DCDC1: variants seen among roughly 807,000 people sequenced by gnomAD.
DCDC1 encodes the protein doublecortin domain-containing protein 1.
A neutral mutation model predicts 178.3 loss-of-function variants in DCDC1; 200 were observed. That is an observed-to-expected ratio of 1.12 (90% confidence interval 1.00 to 1.26). The LOEUF (loss-of-function observed/expected upper bound fraction) is 1.26, where lower values mean the gene tolerates loss of function less well. Among genes scored for constraint, DCDC1 ranks in the 50% most tolerant of loss-of-function variants. The probability of loss-of-function intolerance (pLI) is 0.00; values close to 1 mark genes in which losing one functional copy is unlikely to be tolerated. For missense variants in DCDC1, 1,983 were observed against 1,749.2 expected (o/e 1.13, Z -2.38); for synonymous variants, 690 against 604.8 (o/e 1.14, Z -2.07).
chr11:31,115,981 T>TGGGGGGGGGGGGGGGGGG (rs548179744), intron 11 of DCDC1, among the ~76,000 whole-genome samples: 4 of 38,092 alleles, frequency 1.1e-4, no homozygotes, highest in Admixed American at 3.0e-4. Flanking sequence ...GCTGTGGCAG[T>TGGGGGGGGGGGGGGGGGG]GGGGGGGGGG....
chr11:30,942,757 C>CTTCTT (rs1947745865), intron 21 of DCDC1, among the ~76,000 whole-genome samples: 1 of 152,212 alleles, frequency 6.6e-6, no homozygotes, highest in South Asian at 2.1e-4. Flanking sequence ...CTTTGGATGG[C>CTTCTT]TTCTTTTACT....
At chr11:30,946,273 C>A (rs1244278182) in intron 21 of DCDC1, among the ~76,000 whole-genome samples, 1 of 152,162 alleles carries the variant, frequency 6.6e-6, no homozygotes, top group African/African-American at 2.4e-5. Context: ...TGGTTTTAGC[C>A]TCATCCTCCT....
chr11:30,929,524 G>A (rs1180447919), intron 22 of DCDC1, among the ~76,000 whole-genome samples: 1 of 152,002 alleles, frequency 6.6e-6, no homozygotes. Flanking sequence ...GTTTGAGAGT[G>A]GGAATTGGGG....
At chr11:30,892,395 C>T (rs1943857592) in intron 36 of DCDC1, among the ~76,000 whole-genome samples, 1 of 152,052 alleles carries the variant, frequency 6.6e-6, no homozygotes, top group Non-Finnish European at 1.5e-5. Context: ...AAAAGTTACT[C>T]TTGTGAACTG....
rs760434545 is a variant in DCDC1, at chr11:30,968,711, T to TTTTATATATATATATATA, written c.2592-16144_2592-16143insTATATATATATATATAAA. Among the ~76,000 whole-genome samples the TTTTATATATATATATATA allele has an allele frequency of 1.8e-4, 11 of 61,056 alleles. 1 individual carries two copies. The highest frequency in any genetic ancestry group is 7.8e-5 in the African/African-American group (1 of 12,754). 40.1% of individuals were successfully genotyped at this position (61,056 alleles called of 152,430 possible). ...TATATCAAATTATATATATATCAAA[T>TTTTATATATATATATATA]TATATATATATATATATATATATAT... is the stretch of plus-strand genomic sequence containing the variant. On this transcript the variant is annotated intron_variant, in intron 20 of 38. Coordinates refer to ENST00000684477, the MANE Select transcript of DCDC1 (RefSeq NM_001387274.1).
intron 2 of DCDC1, among the ~76,000 whole-genome samples, chr11:31,331,097 T>A (rs1030493065): frequency 2.0e-5 from 3 of 152,190 alleles, no homozygotes; most frequent in Admixed American, 2.0e-4. Context: ...CTTTAAGAGG[T>A]CCTTCACATC....
At chr11:31,323,551 C>CTTTATATATAT (rs921573627) in intron 3 of DCDC1, among the ~76,000 whole-genome samples, 9 of 152,006 alleles carry the variant, frequency 5.9e-5, no homozygotes, top group Non-Finnish European at 1.3e-4. Flanking sequence ...ATTTGACAAG[C>CTTTATATATAT]ATATATTTCT....
At chr11:30,898,094 A>C (rs1016593613) in intron 34 of DCDC1, among the ~76,000 whole-genome samples, 1 of 152,164 alleles carries the variant, frequency 6.6e-6, no homozygotes, top group African/African-American at 2.4e-5. Flanking sequence ...GCTAAAAGAA[A>C]GCTAAAATGT....
chr11:30,935,610 A>G (rs949869702), intron 21 of DCDC1, among the ~76,000 whole-genome samples: 5 of 151,416 alleles, frequency 3.3e-5, no homozygotes, highest in African/African-American at 1.2e-4. Flanking sequence ...CTGGAGTACA[A>G]TGGTGCAATC....
chr11:31,353,333 T>C (rs1304785382), intron 1 of DCDC1, among the ~76,000 whole-genome samples: 1 of 152,228 alleles, frequency 6.6e-6, no homozygotes, highest in Non-Finnish European at 1.5e-5. Context: ...CTGCCATACA[T>C]AGGACATTTC....
rs899191909 is a variant in DCDC1 at position 30,986,434 on chromosome 11, G to A, written c.2592-33866C>T. On this transcript the variant is annotated intron_variant, in intron 20 of 38. Coordinates refer to ENST00000684477, the MANE Select transcript of DCDC1 (RefSeq NM_001387274.1). ...TGTAAGCTCCGCCTCCTGGGTTCAA[G>A]TGATTCTCCTGCCTCAGCCTCCCAA... Among the ~76,000 whole-genome samples, 4 of 151,524 alleles carry A rather than the reference G, an allele frequency of 2.6e-5. No individual in the cohort carries two copies. In the South Asian group the frequency reaches 6.2e-4, roughly 24 times the overall value.
chr11:31,174,440 G>A (rs1314497641), intron 9 of DCDC1, among the ~76,000 whole-genome samples: 2 of 152,202 alleles, frequency 1.3e-5, no homozygotes, highest in African/African-American at 2.4e-5. Context: ...GGGGTGCTGA[G>A]GGCAGCTCGG....
At position 31,356,388 on chromosome 11, in the gene DCDC1, C is replaced by T. The variant is rs543238293; in HGVS notation, c.-125+13309G>A. 6.6e-5 allele frequency among the ~76,000 whole-genome samples: 10 copies of T among 151,992 alleles called. No homozygotes were observed. The East Asian group carries it at 7.7e-4, about 12-fold the overall frequency. On this transcript the variant is annotated intron_variant, in intron 1 of 38. Transcript: ENST00000684477. ...AAATAAAGATGTTCTTTGAAACCAA[C>T]GAGAACAAAGACACAACACACCAGA...
At position 30,996,662 on chromosome 11, in the gene DCDC1, A is replaced by C. The variant is rs143659763; in HGVS notation, c.2592-44094T>G. Among the ~76,000 whole-genome samples, 60 of 152,330 alleles carry C rather than the reference A, an allele frequency of 3.9e-4. No homozygotes were observed. The East Asian group carries it at 9.5e-3, about 24-fold the overall frequency. On this transcript the variant is annotated intron_variant, in intron 20 of 38. Transcript: ENST00000684477. ...TGCAGCACCAAGGCACAGTCTTGGA[A>C]GAAAAGAGCAGCCTTCACTTGACAA...
intron 1 of DCDC1, among the ~76,000 whole-genome samples, chr11:31,338,222 T>C (rs1212835080): frequency 6.6e-6 from 1 of 152,188 alleles, no homozygotes; most frequent in African/African-American, 2.4e-5. Flanking sequence ...CCAGTGACTC[T>C]TGTGTTAATC....
chr11:31,076,554 C>T (rs2135552488), intron 18 of DCDC1, among the ~76,000 whole-genome samples: 1 of 152,050 alleles, frequency 6.6e-6, no homozygotes, highest in South Asian at 2.1e-4. Context: ...GCCATGTTGC[C>T]CATGCTGGCC....
chr11:30,912,406 C>A (rs1027805158), intron 27 of DCDC1, among the ~76,000 whole-genome samples: 2 of 152,110 alleles, frequency 1.3e-5, no homozygotes, highest in South Asian at 4.1e-4. Context: ...GCCTCAGTCT[C>A]CCGAGTAGCT....
At chr11:31,213,607 CTATT>C (rs1973127549) in intron 9 of DCDC1, among the ~76,000 whole-genome samples, 1 of 151,724 alleles carries the variant, frequency 6.6e-6, no homozygotes, top group African/African-American at 2.4e-5. Context: ...GTAATCCCAG[CTATT>C]CAGGAGGCTG....
chr11:31,250,543 G>A (rs1209635973), intron 8 of DCDC1, among the ~76,000 whole-genome samples: 5 of 149,568 alleles, frequency 3.3e-5, no homozygotes, highest in Admixed American at 6.7e-5. Context: ...ATAGATTTCC[G>A]TTAGATATAA....
Sources: allele counts gnomAD v4.1 joint callset (sites outside exome capture counted in the v4.1 genomes callset), GRCh38; gene constraint gnomAD v4.1.1; transcripts MANE v1.5; gene names NCBI Gene and HGNC (gene_info 2026-07-23, HGNC 2026-07-21).